Variants in WNK1 observed in about 807,000 individuals in gnomAD.
WNK1 encodes WNK lysine deficient protein kinase 1.
WNK1 carries 38 observed loss-of-function variants against 222.8 expected under a neutral mutation model. The observed-to-expected ratio is 0.17, with a 90% confidence interval of 0.13 to 0.22. The LOEUF (loss-of-function observed/expected upper bound fraction) is 0.22. Among genes scored for constraint, WNK1 ranks in the 10% least tolerant of loss-of-function variants. The pLI, the probability that WNK1 is intolerant of heterozygous loss-of-function variation, is 1.00. For synonymous variants in WNK1, 1,090 were observed against 1,092.9 expected (o/e 1.00, Z 0.05); for missense variants, 2,348 against 2,918.4 (o/e 0.80, Z 4.50).
intron 1 of WNK1, among the ~76,000 whole-genome samples, chr12:812,695 G>A (rs983848052): frequency 6.6e-6 from 1 of 152,064 alleles, no homozygotes. Context: ...TTAATGAACA[G>A]GAAGGTAGAT....
At chr12:832,914 C>G (rs909089203) in intron 4 of WNK1, among the ~76,000 whole-genome samples, 1 of 152,126 alleles carries the variant, frequency 6.6e-6, no homozygotes, top group African/African-American at 2.4e-5. Context: ...CCTTAGAAAG[C>G]TCATCTGCTT....
At position 881,757 on chromosome 12, in the gene WNK1, C is replaced by G; in HGVS notation, c.3177C>G (p.Thr1059=). The change falls in exon 13 of 28, where the codon ACC becomes ACG. Residue 1059 remains threonine, a synonymous_variant. Coordinates refer to ENST00000315939, the MANE Select transcript of WNK1 (RefSeq NM_018979.4). ...TTGCAGTAGCACAGACCCAAGCTACCCAGCCGACCACTTTGGCTTCCTCTG... is the reference window on the plus strand; with the variant it reads ...TTGCAGTAGCACAGACCCAAGCTACGCAGCCGACCACTTTGGCTTCCTCTG... ...EPVAVAQTQA[T]QPTTLASSVD... is the part of the protein sequence containing the mutation. The G allele has an allele frequency of 6.2e-7, 1 of 1,614,132 alleles. No homozygotes were observed. The highest frequency in any genetic ancestry group is 8.5e-7 in the Non-Finnish European group (1 of 1,180,018).
At chr12:816,981 A>G (rs1208865077) in intron 2 of WNK1, among the ~76,000 whole-genome samples, 2 of 152,228 alleles carry the variant, frequency 1.3e-5, no homozygotes, top group East Asian at 3.8e-4. Context: ...ACACCAAAGA[A>G]AAAAAAGACA....
chr12:823,117 T>TAAA (rs1948041980), intron 2 of WNK1, among the ~76,000 whole-genome samples: 1 of 152,232 alleles, frequency 6.6e-6, no homozygotes, highest in African/African-American at 2.4e-5. Context: ...CACTGCTTTC[T>TAAA]GCCCTCTATG....
In WNK1 at chr12:884,497, C is replaced by T. The variant is rs1042769891; in HGVS notation, c.3845-152C>T. 12 of 922,150 alleles carry T rather than the reference C, an allele frequency of 1.3e-5. No individual in the cohort carries two copies. The highest frequency in any genetic ancestry group is 2.0e-5 in the Non-Finnish European group (12 of 606,550). 57.1% of individuals were successfully genotyped at this position (922,150 alleles called of 1,614,324 possible). ...TAGATATTGTAGTATGTGTTTATTTCTGCACTTAGTACTGTTGTCTATGTT... is the reference window on the plus strand; with the variant it reads ...TAGATATTGTAGTATGTGTTTATTTTTGCACTTAGTACTGTTGTCTATGTT... On this transcript the variant is annotated intron_variant, in intron 18 of 27. Coordinates refer to ENST00000315939, the MANE Select transcript of WNK1 (RefSeq NM_018979.4). The surrounding 1 kb of genome is among the most constrained non-coding windows in gnomAD (Gnocchi z 5.6).
chr12:754,393 C>A (rs776683543), intron 1 of WNK1, 69 bp downstream of exon 1: 1 of 1,593,958 alleles, frequency 6.3e-7, no homozygotes, highest in South Asian at 1.1e-5. Flanking sequence ...GCCAGTTGAT[C>A]GAGTTCACCC....
chr12:816,444 AC>A (rs1181848108), intron 2 of WNK1, among the ~76,000 whole-genome samples: 1 of 148,130 alleles, frequency 6.8e-6, no homozygotes, highest in Non-Finnish European at 1.5e-5. Context: ...TAATAAAAAA[AC>A]AATTTTTTTT....
intron 1 of WNK1, among the ~76,000 whole-genome samples, chr12:774,535 A>G (rs1310656590): frequency 1.3e-5 from 2 of 152,224 alleles, no homozygotes; most frequent in African/African-American, 4.8e-5. Context: ...CTTGTGAACA[A>G]AACACTGATC....
rs889880433 is a variant in WNK1, at chr12:875,642, A to G, written c.2224-2570A>G. Among the ~76,000 whole-genome samples the G allele has an allele frequency of 3.9e-5, 6 of 152,166 alleles. No individual in the cohort carries two copies. The South Asian group carries it at 8.3e-4, about 21-fold the overall frequency. On this transcript the variant is annotated intron_variant, in intron 9 of 27. Transcript: ENST00000315939. ...TATAAGAGAAAGGAAAAAAAAATCTAGTTTTATTTTAATGTTATGTAAATA... is the reference window on the plus strand; with the variant it reads ...TATAAGAGAAAGGAAAAAAAAATCTGGTTTTATTTTAATGTTATGTAAATA...
At chr12:851,128 T>C in intron 4 of WNK1, among the ~76,000 whole-genome samples, 1 of 152,190 alleles carries the variant, frequency 6.6e-6, no homozygotes, top group Non-Finnish European at 1.5e-5. Flanking sequence ...CATGCAAACA[T>C]AGTATGTGAT....
intron 22 of WNK1, 114 bp downstream of exon 22, chr12:890,627 T>C: frequency 1.9e-6 from 2 of 1,036,686 alleles, no homozygotes; most frequent in South Asian, 2.7e-5. Flanking sequence ...CTGAGGAGCA[T>C]TGGTAGTAAT....
chr12:818,907 A>G (rs1947609722), intron 2 of WNK1, among the ~76,000 whole-genome samples: 1 of 152,208 alleles, frequency 6.6e-6, no homozygotes, highest in South Asian at 2.1e-4. Flanking sequence ...TTTGGCTATT[A>G]TGAGTACTGC....
At chr12:868,173 T>A in intron 8 of WNK1, 1 of 1,614,032 alleles carries the variant, frequency 6.2e-7, no homozygotes, top group Non-Finnish European at 8.5e-7. Flanking sequence ...TCATGTGAGA[T>A]ACAGGTCCAT....
chr12:880,582 C>T lies in WNK1; in HGVS notation c.2833-139C>T, dbSNP rs878912730. The T allele has an allele frequency of 1.2e-4, 112 of 947,878 alleles. 2 individuals carry two copies. The South Asian group carries it at 1.5e-3, about 12-fold the overall frequency. The allele number at this position is 947,878 out of a possible 1,614,324, so 58.7% of individuals were successfully genotyped here. A position where few individuals can be genotyped will look rare whatever the true frequency, so the allele number is the denominator to read the frequency against. On this transcript the variant is annotated intron_variant, in intron 11 of 27. Transcript: ENST00000315939. ...TTTCAAGAATGTGGTCTTTATATGC[C>T]CTTTAGATTATTAGAAAGAGATTGG...
chr12:755,132 CTAGT>C (rs1939806961), intron 1 of WNK1, among the ~76,000 whole-genome samples: 1 of 152,258 alleles, frequency 6.6e-6, no homozygotes, highest in East Asian at 1.9e-4. Flanking sequence ...TTCCGGTTGA[CTAGT>C]ACATTCTAGG....
At chr12:848,960 A>G in intron 4 of WNK1, among the ~76,000 whole-genome samples, 1 of 152,130 alleles carries the variant, frequency 6.6e-6, no homozygotes. Flanking sequence ...TTTTAAAACT[A>G]CCCACATCTT....
At chr12:834,621 C>T (rs376827517) in intron 4 of WNK1, among the ~76,000 whole-genome samples, 9 of 152,256 alleles carry the variant, frequency 5.9e-5, no homozygotes, top group East Asian at 3.9e-4. Flanking sequence ...TATTGCCATA[C>T]GATCTTGAGC....
Position 896,258 on chromosome 12 carries a change from G to A in WNK1, c.5771G>A (p.Ser1924Asn), listed in dbSNP as rs1246901757. 1.2e-6 allele frequency: 2 copies of A among 1,614,078 alleles called. No homozygotes were observed. Among genetic ancestry groups the A allele is most frequent in the African/African-American group, 2.7e-5 (2 of 74,910 alleles). The change falls in exon 24 of 28, where the codon AGT (serine) becomes AAT (asparagine). Residue 1924 changes from serine (S) to asparagine (N), a missense_variant. Around this residue, in one of 13 missense-constraint regions of WNK1, gnomAD observed 1,144 missense variants for 1,273.6 expected, o/e 0.90. Transcript: ENST00000315939. ...GGTATCTCTTCAGATGTGCCAGAGA[G>A]TGCCCACAAAACTACTGCCTCAGAG... is the stretch of plus-strand genomic sequence containing the variant. The part of the protein sequence containing the change: ...IPGISSDVPE[S>N]AHKTTASEAK...
Position 896,616 on chromosome 12 carries a change from C to A in WNK1, c.6129C>A (p.Ser2043Arg), listed in dbSNP as rs762728186. The A allele has an allele frequency of 1.9e-6, 3 of 1,608,208 alleles. No homozygotes were observed. Among genetic ancestry groups the A allele is most frequent in the Non-Finnish European group, 2.5e-6 (3 of 1,177,276 alleles). ...AGCTGAGCTCAAAGAGCCTTCCTAGCCAGAATCTAAGTCAAAGCCTTAGTA... is the reference window on the plus strand; with the variant it reads ...AGCTGAGCTCAAAGAGCCTTCCTAGACAGAATCTAAGTCAAAGCCTTAGTA... ...PHQLSSKSLP[S>R]QNLSQSLSNS... is the part of the protein sequence containing the mutation. The change falls in exon 24 of 28, where the codon AGC (serine) becomes AGA (arginine). Residue 2043 changes from serine to arginine, a missense_variant. Around this residue, in one of 13 missense-constraint regions of WNK1, gnomAD observed 1,144 missense variants for 1,273.6 expected, o/e 0.90. Coordinates refer to ENST00000315939, the MANE Select transcript of WNK1 (RefSeq NM_018979.4).
Sources: allele counts gnomAD v4.1 joint callset (sites outside exome capture counted in the v4.1 genomes callset), GRCh38; gene constraint gnomAD v4.1.1; regional missense constraint gnomAD v4.1.1; non-coding constraint Gnocchi (gnomAD v3.1); transcripts MANE v1.5; gene names NCBI Gene and HGNC (gene_info 2026-07-23, HGNC 2026-07-21).